The following FTCDNL1 variants were observed in gnomAD, a reference collection of about 807,000 sequenced individuals.
FTCDNL1 encodes the protein formiminotransferase N-terminal subdomain-containing protein.
A neutral mutation model predicts 5.9 loss-of-function variants in FTCDNL1; 11 were observed. That is an observed-to-expected ratio of 1.87 (90% CI 1.18 to 3.10). FTCDNL1 has a LOEUF of 3.10. Ranked by LOEUF, FTCDNL1 falls within the 30% of genes most tolerant of loss-of-function variation. The probability of loss-of-function intolerance (pLI) is 0.00; values close to 1 mark genes in which losing one functional copy is unlikely to be tolerated. For synonymous variants in FTCDNL1, 58 were observed against 24.8 expected (o/e 2.34, Z -3.99); for missense variants, 115 against 65.5 (o/e 1.76, Z -2.61).
At chr2:199,805,513 C>T (rs1312341708), downstream of FTCDNL1, among the ~76,000 whole-genome samples, 3 of 152,020 alleles carry the variant, frequency 2.0e-5, no homozygotes, top group South Asian at 2.1e-4. Context: ...CCGGGGCAGG[C>T]GGATCACTTG....
intron 3 of FTCDNL1, among the ~76,000 whole-genome samples, chr2:199,837,443 T>C (rs573108915): frequency 1.2e-4 from 18 of 152,342 alleles, no homozygotes; most frequent in South Asian, 4.1e-4. Flanking sequence ...AGCATCTAAA[T>C]TGACTGATCT....
the FTCDNL1 span, among the ~76,000 whole-genome samples, chr2:199,748,962 C>A: frequency 0.85 from 128,588 of 151,960 alleles, 55,486 homozygotes; most frequent in East Asian, 1. Context: ...GTGCAGTCCA[C>A]ACTCCCCAGG....
At position 199,780,107 on chromosome 2, in the gene FTCDNL1, C is replaced by T. The variant is rs377683374; in HGVS notation, c.212-19272G>A. Among the ~76,000 whole-genome samples the T allele has an allele frequency of 2.6e-5, 4 of 152,264 alleles. No individual in the cohort carries two copies. In the East Asian group the frequency reaches 5.8e-4, roughly 22 times the overall value. Reference sequence around the variant, plus strand: ...TGTGCAGGAGGTGCTCTCAGAAGTGCCTGTCGAGTGAAGGAAGCAGGACTG... The same window carrying T: ...TGTGCAGGAGGTGCTCTCAGAAGTGTCTGTCGAGTGAAGGAAGCAGGACTG... On this transcript the variant is annotated intron_variant, in intron 3 of 3. Coordinates refer to the FTCDNL1 transcript ENST00000416668.
At chr2:199,727,042 C>A in the FTCDNL1 span, among the ~76,000 whole-genome samples, 5 of 152,328 alleles carry the variant, frequency 3.3e-5, no homozygotes, top group East Asian at 1.9e-4. Context: ...ACCATGGCCA[C>A]CCCTCCCCAC....
chr2:199,771,791 T>C (rs1698823054), intron 3 of FTCDNL1, among the ~76,000 whole-genome samples: 1 of 152,214 alleles, frequency 6.6e-6, no homozygotes, highest in African/African-American at 2.4e-5. Flanking sequence ...AAGAGAATAC[T>C]ACCTACAATT....
At chr2:199,843,311 T>C (rs1312251100) in intron 3 of FTCDNL1, among the ~76,000 whole-genome samples, 1 of 152,148 alleles carries the variant, frequency 6.6e-6, no homozygotes, top group Non-Finnish European at 1.5e-5. Flanking sequence ...ATGAAGAACT[T>C]CATGTACTAG....
intron 3 of FTCDNL1, among the ~76,000 whole-genome samples, chr2:199,827,518 G>A (rs1702109641): frequency 6.6e-6 from 1 of 152,060 alleles, no homozygotes; most frequent in South Asian, 2.1e-4. Flanking sequence ...TGGCATTACA[G>A]TTATGTAAGA....
the FTCDNL1 span, among the ~76,000 whole-genome samples, chr2:199,686,285 G>A: frequency 2.0e-5 from 3 of 152,172 alleles, no homozygotes; most frequent in Non-Finnish European, 4.4e-5. Context: ...TTCCTGGAGT[G>A]CAGTTGGGCT....
chr2:199,748,044 C>T, the FTCDNL1 span, among the ~76,000 whole-genome samples: 1 of 152,040 alleles, frequency 6.6e-6, no homozygotes, highest in Admixed American at 6.5e-5. Flanking sequence ...CAATCTTTAA[C>T]CTGCAAAAGA....
chr2:199,813,912 CAAAAAAA>C (rs397987315), intron 4 of FTCDNL1, among the ~76,000 whole-genome samples: 3 of 106,384 alleles, frequency 2.8e-5, no homozygotes, highest in African/African-American at 3.7e-5. Flanking sequence ...GACTCTGTCT[CAAAAAAA>C]AAAAAAAAAA....
chr2:199,745,323 T>C, the FTCDNL1 span, among the ~76,000 whole-genome samples: 2 of 152,256 alleles, frequency 1.3e-5, no homozygotes, highest in Non-Finnish European at 1.5e-5. Context: ...AAATAACCTT[T>C]AATCAAGTAA....
chr2:199,822,846 G>A (rs1333537450), intron 3 of FTCDNL1, among the ~76,000 whole-genome samples: 1 of 151,958 alleles, frequency 6.6e-6, no homozygotes, highest in Non-Finnish European at 1.5e-5. Context: ...CGTTCTAGTT[G>A]TTGGGTTTTT....
At chr2:199,806,997 G>C (rs1162412440), downstream of FTCDNL1, among the ~76,000 whole-genome samples, 1 of 152,234 alleles carries the variant, frequency 6.6e-6, no homozygotes. Context: ...CCACCTTGTA[G>C]TAAGATTTAA....
At chr2:199,849,743 A>G (rs2076825851) in intron 1 of FTCDNL1, among the ~76,000 whole-genome samples, 1 of 152,234 alleles carries the variant, frequency 6.6e-6, no homozygotes, top group Non-Finnish European at 1.5e-5. Flanking sequence ...AATGATATTC[A>G]TGATCTAAAG....
chr2:199,782,332 C>A (rs187179315), intron 3 of FTCDNL1, among the ~76,000 whole-genome samples: 3 of 152,290 alleles, frequency 2.0e-5, no homozygotes, highest in Non-Finnish European at 4.4e-5. Context: ...AAAATGCACT[C>A]ATTTTGAGTG....
the FTCDNL1 span, among the ~76,000 whole-genome samples, chr2:199,727,832 G>A: frequency 6.6e-6 from 1 of 152,054 alleles, no homozygotes; most frequent in Non-Finnish European, 1.5e-5. Context: ...CAATAATGAA[G>A]GGGTTGAACA....
chr2:199,670,001 G>A, the FTCDNL1 span, among the ~76,000 whole-genome samples: 1 of 152,070 alleles, frequency 6.6e-6, no homozygotes, highest in Non-Finnish European at 1.5e-5. Flanking sequence ...TGGCTCTCCT[G>A]GGCAAGTACT....
At chr2:199,701,509 A>G in the FTCDNL1 span, among the ~76,000 whole-genome samples, 1 of 152,156 alleles carries the variant, frequency 6.6e-6, no homozygotes, top group Admixed American at 6.5e-5. Context: ...ATATGCACGC[A>G]TATGTTCATC....
At chr2:199,788,514 C>T (rs1276725447) in intron 3 of FTCDNL1, among the ~76,000 whole-genome samples, 2 of 151,928 alleles carry the variant, frequency 1.3e-5, no homozygotes, top group African/African-American at 4.8e-5. Flanking sequence ...AAATTAGGAA[C>T]TGTTTGGATA....
Sources: allele counts gnomAD v4.1 joint callset (sites outside exome capture counted in the v4.1 genomes callset), GRCh38; gene constraint gnomAD v4.1.1; transcripts MANE v1.5; gene names NCBI Gene and HGNC (gene_info 2026-07-23, HGNC 2026-07-21).